Variants in GALNT7 observed in about 807,000 individuals in gnomAD.
The protein encoded by GALNT7 is N-acetylgalactosaminyltransferase 7.
In GALNT7, 60 loss-of-function variants were observed where a neutral mutation model predicts 82.1. The ratio of observed to expected loss-of-function variants is 0.73; its 90% confidence interval spans 0.59 to 0.91. GALNT7 has a LOEUF of 0.91. GALNT7 is among the 40% of genes least tolerant of loss of function. GALNT7 has a pLI of 0.00. For synonymous variants in GALNT7, 243 were observed against 275.1 expected, an observed-to-expected ratio of 0.88 and a Z score of 1.15; for missense variants, 660 against 804.2, an observed-to-expected ratio of 0.82 and a Z score of 2.17.
intron 2 of GALNT7, among the ~76,000 whole-genome samples, chr4:173,279,855 G>A (rs1461688093): frequency 1.3e-5 from 2 of 152,014 alleles, no homozygotes; most frequent in Non-Finnish European, 2.9e-5. Context: ...CGTACCTGTA[G>A]TCCCAGCTCT....
At chr4:173,219,173 T>G (rs938222663) in intron 1 of GALNT7, among the ~76,000 whole-genome samples, 2 of 152,134 alleles carry the variant, frequency 1.3e-5, no homozygotes, top group Admixed American at 1.3e-4. Flanking sequence ...ATCATTCTTA[T>G]GCTTTTGTGT....
intron 1 of GALNT7, among the ~76,000 whole-genome samples, chr4:173,214,289 A>T (rs1733372866): frequency 8.1e-6 from 1 of 123,804 alleles, no homozygotes; most frequent in African/African-American, 3.6e-5. Flanking sequence ...AAAGCTCTTT[A>T]AAAAAAAAAA....
chr4:173,207,207 A>T (rs1163378285), intron 1 of GALNT7, among the ~76,000 whole-genome samples: 1 of 152,214 alleles, frequency 6.6e-6, no homozygotes, highest in Non-Finnish European at 1.5e-5. Flanking sequence ...TCCAAAGGGA[A>T]TCTGTTGCCA....
intron 9 of GALNT7, among the ~76,000 whole-genome samples, chr4:173,314,842 C>T (rs914206411): frequency 2.0e-5 from 3 of 152,202 alleles, no homozygotes; most frequent in African/African-American, 7.2e-5. Flanking sequence ...TACACTAAAC[C>T]TGCCATGAAC....
intron 1 of GALNT7, among the ~76,000 whole-genome samples, chr4:173,237,469 A>G (rs1001236913): frequency 4.6e-5 from 7 of 152,194 alleles, no homozygotes; most frequent in African/African-American, 1.7e-4. Context: ...AAAAGGGTAT[A>G]ACAAACATTC....
In GALNT7 at chr4:173,321,697, A is replaced by G; in HGVS notation, c.1954A>G (p.Asn652Asp). The change falls in exon 12 of 12, where the codon AAT becomes GAT. Residue 652 changes from asparagine (N) to aspartate (D), a missense_variant. Coordinates refer to ENST00000265000, the MANE Select transcript of GALNT7 (RefSeq NM_017423.3). ...TAAAACGACTCAAAAATGGGAAATGAATAACATCCATAGTGTTTAGAGAGA... is the reference window on the plus strand; with the variant it reads ...TAAAACGACTCAAAAATGGGAAATGGATAACATCCATAGTGTTTAGAGAGA... ...SSKTTQKWEM[N>D]NIHSV 6.2e-7 allele frequency: 1 copy of G among 1,607,818 alleles called. No homozygotes were observed. Among genetic ancestry groups the G allele is most frequent in the Non-Finnish European group, 8.5e-7 (1 of 1,174,544 alleles).
At chr4:173,189,626 A>T (rs900743356) in intron 1 of GALNT7, among the ~76,000 whole-genome samples, 1 of 152,236 alleles carries the variant, frequency 6.6e-6, no homozygotes, top group Non-Finnish European at 1.5e-5. Flanking sequence ...TTTAAAATTA[A>T]ATTAGTCTAA....
intron 5 of GALNT7, among the ~76,000 whole-genome samples, chr4:173,296,948 T>G (rs1254297645): frequency 6.6e-6 from 1 of 152,246 alleles, no homozygotes; most frequent in Non-Finnish European, 1.5e-5. Context: ...TCCCTTTTCC[T>G]TGGTTTTTAA....
chr4:173,270,221 A>G (rs2126787098), intron 2 of GALNT7, among the ~76,000 whole-genome samples: 1 of 152,278 alleles, frequency 6.6e-6, no homozygotes, highest in African/African-American at 2.4e-5. Context: ...TTTTCCCTTT[A>G]AACTGTGGCA....
intron 6 of GALNT7, among the ~76,000 whole-genome samples, chr4:173,301,187 T>A (rs1243646799): frequency 6.6e-6 from 1 of 151,722 alleles, no homozygotes; most frequent in African/African-American, 2.4e-5. Flanking sequence ...TTGAAATAGG[T>A]TCCATTGAAC....
intron 1 of GALNT7, chr4:173,169,492 T>C (rs1476326849): frequency 6.6e-6 from 1 of 151,276 alleles, no homozygotes; most frequent in Non-Finnish European, 1.5e-5. Context: ...TCTGGGGGTG[T>C]TCGCAGCCCC....
intron 1 of GALNT7, among the ~76,000 whole-genome samples, chr4:173,240,575 G>A (rs185261912): frequency 2.6e-5 from 4 of 151,980 alleles, no homozygotes; most frequent in African/African-American, 9.6e-5. Context: ...CTCCATGTTG[G>A]TTAGGCTGGT....
chr4:173,298,352 T>A, intron 6 of GALNT7, 55 bp downstream of exon 6: 1 of 1,170,606 alleles, frequency 8.5e-7, no homozygotes, highest in Non-Finnish European at 1.2e-6. Flanking sequence ...GCTAACCTAT[T>A]AACCTCTTGC....
chr4:173,204,336 A>G (rs1227472359), intron 1 of GALNT7, among the ~76,000 whole-genome samples: 1 of 152,116 alleles, frequency 6.6e-6, no homozygotes, highest in Non-Finnish European at 1.5e-5. Flanking sequence ...ATCTGAGTGT[A>G]GATTGTTGGC....
At chr4:173,191,228 G>C (rs1028273389) in intron 1 of GALNT7, among the ~76,000 whole-genome samples, 3 of 136,480 alleles carry the variant, frequency 2.2e-5, no homozygotes, top group Admixed American at 1.4e-4. Context: ...GGGATGGGAT[G>C]GGGGGGGTAC....
intron 1 of GALNT7, among the ~76,000 whole-genome samples, chr4:173,188,175 T>A (rs181199002): frequency 3.9e-5 from 6 of 152,374 alleles, no homozygotes. Context: ...TTTACATTCT[T>A]AATTTAATCT....
At chr4:173,205,754 G>A (rs1032050988) in intron 1 of GALNT7, among the ~76,000 whole-genome samples, 1 of 152,178 alleles carries the variant, frequency 6.6e-6, no homozygotes, top group Admixed American at 6.5e-5. Context: ...TGAAACCCGG[G>A]GTGGAACCTG....
chr4:173,311,217 C>A (rs1737368983), intron 8 of GALNT7, among the ~76,000 whole-genome samples: 1 of 152,204 alleles, frequency 6.6e-6, no homozygotes, highest in Non-Finnish European at 1.5e-5. Context: ...CCCTGTCCAT[C>A]TGAGAAAACT....
At chr4:173,201,842 T>C (rs1011503129) in intron 1 of GALNT7, among the ~76,000 whole-genome samples, 5 of 152,198 alleles carry the variant, frequency 3.3e-5, no homozygotes, top group Non-Finnish European at 5.9e-5. Flanking sequence ...CTTTCCTTAA[T>C]AGGAAGGCAG....
Sources: allele counts gnomAD v4.1 joint callset (sites outside exome capture counted in the v4.1 genomes callset), GRCh38; gene constraint gnomAD v4.1.1; transcripts MANE v1.5; gene names NCBI Gene and HGNC (gene_info 2026-07-23, HGNC 2026-07-21).